LRIG1: variants seen among roughly 807,000 people sequenced by gnomAD.
The protein encoded by LRIG1 is leucine rich repeats and immunoglobulin like domains 1, also known as leucine-rich repeats and immunoglobulin-like domains protein 1.
LRIG1 carries 48 observed loss-of-function variants against 99.2 expected under a neutral mutation model. The observed-to-expected ratio is 0.48, with a 90% CI of 0.38 to 0.62. The LOEUF (loss-of-function observed/expected upper bound fraction) is 0.62. Among genes scored for constraint, LRIG1 ranks in the 20% least tolerant of loss-of-function variants. LRIG1 has a pLI of 0.00. For missense variants in LRIG1, 1,646 were observed against 1,434.4 expected, an observed-to-expected ratio of 1.15 and a Z score of -2.38; for synonymous variants, 772 against 596.1, an observed-to-expected ratio of 1.29 and a Z score of -4.30.
intron 3 of LRIG1, among the ~76,000 whole-genome samples, chr3:66,446,697 T>C (rs1188680242): frequency 6.6e-6 from 1 of 152,014 alleles, no homozygotes; most frequent in Non-Finnish European, 1.5e-5. Context: ...TGAGCCACCA[T>C]GCCCGGCCTT....
At chr3:66,461,402 A>C (rs950377276) in intron 2 of LRIG1, among the ~76,000 whole-genome samples, 6 of 152,240 alleles carry the variant, frequency 3.9e-5, no homozygotes, top group Non-Finnish European at 7.3e-5. Flanking sequence ...TGTCTAATAA[A>C]AATAATAATG....
intron 3 of LRIG1, among the ~76,000 whole-genome samples, chr3:66,432,358 C>T (rs943205455): frequency 1.3e-5 from 2 of 152,160 alleles, no homozygotes; most frequent in Non-Finnish European, 2.9e-5. Flanking sequence ...CCATGGATGT[C>T]CAGGGAGCTT....
At chr3:66,399,159 T>C (rs553721250) in intron 9 of LRIG1, 118 bp from the exon 10 acceptor site, 21 of 823,240 alleles carry the variant, frequency 2.6e-5, no homozygotes, top group Non-Finnish European at 4.2e-5. Context: ...CTGATAAGTC[T>C]GTCCAGTGAG....
intron 1 of LRIG1, among the ~76,000 whole-genome samples, chr3:66,465,807 GA>G (rs2106849459): frequency 6.6e-6 from 1 of 152,182 alleles, no homozygotes; most frequent in South Asian, 2.1e-4. Context: ...CAGAACTTTA[GA>G]AGTTTCTCAA....
intron 12 of LRIG1, among the ~76,000 whole-genome samples, chr3:66,390,647 T>C (rs1055001453): frequency 1.3e-5 from 2 of 152,112 alleles, no homozygotes; most frequent in African/African-American, 2.4e-5. Context: ...GGATCCATAA[T>C]AGACAAAACA....
At chr3:66,435,849 A>G (rs1305411643) in intron 3 of LRIG1, among the ~76,000 whole-genome samples, 1 of 152,144 alleles carries the variant, frequency 6.6e-6, no homozygotes, top group Non-Finnish European at 1.5e-5. Context: ...CAACAATACA[A>G]AAGTGTCATG....
chr3:66,489,738 C>A (rs1337466517), intron 1 of LRIG1, among the ~76,000 whole-genome samples: 1 of 152,134 alleles, frequency 6.6e-6, no homozygotes, highest in Non-Finnish European at 1.5e-5. Flanking sequence ...AAGTGACTAG[C>A]CCAAGGTTAT....
At chr3:66,485,101 T>C (rs1308017155) in intron 1 of LRIG1, among the ~76,000 whole-genome samples, 1 of 148,864 alleles carries the variant, frequency 6.7e-6, no homozygotes, top group African/African-American at 2.5e-5. Flanking sequence ...AAGGTTGCAG[T>C]GAGTCAAGAT....
At chr3:66,400,471 T>C (rs1042341647) in intron 9 of LRIG1, among the ~76,000 whole-genome samples, 6 of 152,174 alleles carry the variant, frequency 3.9e-5, no homozygotes, top group African/African-American at 1.4e-4. Context: ...TGGCTAAGAA[T>C]ACCGATTGCT....
intron 2 of LRIG1, among the ~76,000 whole-genome samples, chr3:66,461,215 A>C (rs1283354041): frequency 6.6e-6 from 1 of 152,104 alleles, no homozygotes; most frequent in Non-Finnish European, 1.5e-5. Context: ...TGGGGTGTGA[A>C]AATCACTTGA....
At position 66,380,867 on chromosome 3, in the gene LRIG1, G is replaced by A. The variant is rs753575224; in HGVS notation, c.2771-6C>T. On this transcript the variant is annotated splice_polypyrimidine_tract_variant and splice_region_variant and intron_variant, in intron 17 of 18. Coordinates refer to ENST00000273261, the MANE Select transcript of LRIG1 (RefSeq NM_015541.3). ...TACGACCCGGCCACCGTGTTCTGAAGGACAGCGCCAAAGATGGGTTAGAGT... is the reference window on the plus strand; with the variant it reads ...TACGACCCGGCCACCGTGTTCTGAAAGACAGCGCCAAAGATGGGTTAGAGT... 9 of 1,612,824 alleles carry A rather than the reference G, an allele frequency of 5.6e-6. No individual in the cohort carries two copies. In the Admixed American group the frequency reaches 6.7e-5, roughly 12 times the overall value.
At chr3:66,466,645 C>A (rs1700479533) in intron 1 of LRIG1, among the ~76,000 whole-genome samples, 1 of 152,204 alleles carries the variant, frequency 6.6e-6, no homozygotes, top group South Asian at 2.1e-4. Flanking sequence ...AAGAGTTAAT[C>A]AGTGAAAATC....
At chr3:66,383,846 A>T in intron 14 of LRIG1, 145 bp downstream of exon 14, 1 of 1,149,000 alleles carries the variant, frequency 8.7e-7, no homozygotes, top group South Asian at 1.7e-5. Context: ...AGAAAAATTA[A>T]CTCAACTCAA....
chr3:66,475,648 A>C (rs571509303), intron 1 of LRIG1, among the ~76,000 whole-genome samples: 1 of 152,378 alleles, frequency 6.6e-6, no homozygotes, highest in South Asian at 2.1e-4. Context: ...AGGATCAATA[A>C]GCCAAAGTGG....
At chr3:66,407,545 C>G in intron 7 of LRIG1, 54 bp from the exon 8 acceptor site, 1 of 1,596,498 alleles carries the variant, frequency 6.3e-7, no homozygotes, top group Non-Finnish European at 8.6e-7. Context: ...CCCCCCAACC[C>G]CACCCCACCG....
chr3:66,391,454 T>C lies in LRIG1; in HGVS notation c.1468+2586A>G, dbSNP rs75428987. Among the ~76,000 whole-genome samples the C allele has an allele frequency of 6.3e-3, 958 of 152,240 alleles. 11 individuals are homozygous for C. Among genetic ancestry groups the C allele is most frequent in the African/African-American group, 0.021 (876 of 41,546 alleles). On this transcript the variant is annotated intron_variant, in intron 12 of 18. Coordinates refer to ENST00000273261, the MANE Select transcript of LRIG1 (RefSeq NM_015541.3). The stretch of plus-strand genomic sequence containing the variant: ...AAATGTAAACCCATTTATTCAGCCA[T>C]GAAAAACAGGAATGAAGTACTGATA...
chr3:66,384,601 C>T (rs1701270996), intron 13 of LRIG1, among the ~76,000 whole-genome samples: 1 of 151,962 alleles, frequency 6.6e-6, no homozygotes, highest in African/African-American at 2.4e-5. Context: ...TGATGCTTGC[C>T]TGCTTTACCC....
At chr3:66,420,141 T>C (rs766995288) in intron 3 of LRIG1, among the ~76,000 whole-genome samples, 7 of 152,202 alleles carry the variant, frequency 4.6e-5, no homozygotes, top group East Asian at 1.9e-4. Flanking sequence ...GAGCCAAGAA[T>C]TGAACATTGT....
intron 10 of LRIG1, 126 bp downstream of exon 10, chr3:66,398,844 A>C: frequency 1.3e-6 from 1 of 744,748 alleles, no homozygotes; most frequent in South Asian, 1.6e-5. Context: ...AATGAGAAGG[A>C]AGCAGCTGGT....
Sources: allele counts gnomAD v4.1 joint callset (sites outside exome capture counted in the v4.1 genomes callset), GRCh38; gene constraint gnomAD v4.1.1; transcripts MANE v1.5; gene names NCBI Gene and HGNC (gene_info 2026-07-23, HGNC 2026-07-21).